Variants in EYS observed in about 807,000 individuals in gnomAD.
EYS encodes protein eyes shut homolog.
Under a neutral mutation model 282.1 loss-of-function variants are expected in EYS, and 250 were observed. The ratio of observed to expected loss-of-function variants is 0.89; its 90% CI spans 0.80 to 0.98. The LOEUF is 0.98. EYS is among the 50% of genes least tolerant of loss of function. The pLI, the probability that EYS is intolerant of heterozygous loss-of-function variation, is 0.00. For synonymous variants in EYS, 1,355 were observed against 1,282.9 expected, an observed-to-expected ratio of 1.06 and a Z score of -1.20; for missense variants, 4,016 against 3,709.0, an observed-to-expected ratio of 1.08 and a Z score of -2.15.
intron 16 of EYS, among the ~76,000 whole-genome samples, chr6:64,903,351 G>T (rs1031340390): frequency 6.6e-6 from 1 of 152,108 alleles, no homozygotes; most frequent in Non-Finnish European, 1.5e-5. Flanking sequence ...ATGTCAGTAT[G>T]CAATCAGGCT....
intron 15 of EYS, among the ~76,000 whole-genome samples, chr6:64,940,014 A>G (rs1036133823): frequency 1.3e-5 from 2 of 152,018 alleles, no homozygotes; most frequent in Non-Finnish European, 2.9e-5. Flanking sequence ...TCTTTTGAAA[A>G]CATTGGCTTT....
chr6:64,046,351 T>G (rs1170233865), intron 33 of EYS, among the ~76,000 whole-genome samples: 1 of 151,956 alleles, frequency 6.6e-6, no homozygotes, highest in Non-Finnish European at 1.5e-5. Context: ...ATCTATCTAT[T>G]GATTTATCTG....
At chr6:65,180,097 T>C (rs962543460) in intron 12 of EYS, among the ~76,000 whole-genome samples, 10 of 152,060 alleles carry the variant, frequency 6.6e-5, no homozygotes, top group Admixed American at 5.9e-4. Context: ...ACAGCCAATA[T>C]CATACTGAAT....
intron 32 of EYS, among the ~76,000 whole-genome samples, chr6:64,067,953 G>A (rs1771437365): frequency 6.6e-6 from 1 of 152,038 alleles, no homozygotes. Context: ...ATGCTGCTAT[G>A]AGCATTTTAT....
At chr6:64,183,024 G>C (rs1764834044) in intron 31 of EYS, among the ~76,000 whole-genome samples, 1 of 152,120 alleles carries the variant, frequency 6.6e-6, no homozygotes, top group Non-Finnish European at 1.5e-5. Context: ...ACCAGGTAGA[G>C]ATAACTGAAT....
At chr6:64,741,692 C>T (rs528162884) in intron 22 of EYS, among the ~76,000 whole-genome samples, 69 of 152,308 alleles carry the variant, frequency 4.5e-4, no homozygotes, top group Middle Eastern at 6.8e-3. Flanking sequence ...TCACCTTGTA[C>T]TTTTATGTTA....
intron 31 of EYS, among the ~76,000 whole-genome samples, chr6:64,132,074 C>T (rs1773996721): frequency 6.6e-6 from 1 of 151,854 alleles, no homozygotes; most frequent in African/African-American, 2.4e-5. Flanking sequence ...TTTTATATTT[C>T]ATTATAGTTG....
chr6:64,441,108 T>C (rs2150468035), intron 26 of EYS, among the ~76,000 whole-genome samples: 1 of 152,276 alleles, frequency 6.6e-6, no homozygotes, highest in South Asian at 2.1e-4. Context: ...AATTCACAGT[T>C]TACAAGTGAA....
chr6:64,894,663 T>A (rs531829637), intron 18 of EYS, among the ~76,000 whole-genome samples: 2 of 152,256 alleles, frequency 1.3e-5, no homozygotes, highest in African/African-American at 4.8e-5. Context: ...GTATTTTGTG[T>A]ATCTTTTTGA....
intron 2 of EYS, among the ~76,000 whole-genome samples, chr6:65,591,844 A>C (rs535205109): frequency 6.6e-6 from 1 of 152,114 alleles, no homozygotes; most frequent in South Asian, 2.1e-4. Context: ...TTGAAAATTA[A>C]ATTATTTTTT....
chr6:65,217,954 C>T (rs1458344771), intron 12 of EYS, among the ~76,000 whole-genome samples: 1 of 151,970 alleles, frequency 6.6e-6, no homozygotes, highest in African/African-American at 2.4e-5. Context: ...AGCACTGAGA[C>T]CAACTATGAA....
intron 22 of EYS, among the ~76,000 whole-genome samples, chr6:64,772,515 A>G (rs142008167): frequency 1.1e-3 from 160 of 151,900 alleles, no homozygotes; most frequent in African/African-American, 3.7e-3. Context: ...AGACAATTCA[A>G]TTATAGTCTC....
chr6:64,451,977 T>C lies in EYS; in HGVS notation c.5645-12625A>G, dbSNP rs1003576760. On this transcript the variant is annotated intron_variant, in intron 26 of 42. Coordinates refer to ENST00000503581, the MANE Select transcript of EYS (RefSeq NM_001142800.2). ...ACAGGGATGCCCTCTCTCACCACTC[T>C]TATTCAACATAGTGTTGGAAGTTCT... Among the ~76,000 whole-genome samples the C allele has an allele frequency of 1.4e-3, 207 of 152,236 alleles. 3 individuals are homozygous for C. Among genetic ancestry groups the C allele is most frequent in the Admixed American group, 0.01 (156 of 15,284 alleles).
chr6:65,671,915 G>T lies in EYS; in HGVS notation c.-447-32023C>A, dbSNP rs143499845. Among the ~76,000 whole-genome samples the T allele has an allele frequency of 7.5e-3, 1,145 of 152,218 alleles. 64 individuals are homozygous for T. Among genetic ancestry groups the T allele is most frequent in the Admixed American group, 0.069 (1,053 of 15,262 alleles). On this transcript the variant is annotated intron_variant, in intron 1 of 42. Transcript: ENST00000503581. ...TCTTCCCTATTTGAATCTAAGTGCT[G>T]ACAGGAAAGGGTGTCAGATAAGAAA...
intron 19 of EYS, among the ~76,000 whole-genome samples, chr6:64,856,974 T>A (rs1025063138): frequency 6.6e-6 from 1 of 152,214 alleles, no homozygotes; most frequent in Non-Finnish European, 1.5e-5. Context: ...ATATGTAAAG[T>A]TTATATCTAG....
intron 11 of EYS, among the ~76,000 whole-genome samples, chr6:65,319,280 G>A (rs894289463): frequency 4.0e-5 from 6 of 150,222 alleles, no homozygotes; most frequent in Admixed American, 6.6e-5. Flanking sequence ...CTTGGGAGGC[G>A]GAGGCAGGAG....
At chr6:63,901,301 T>A (rs1024137862) in intron 35 of EYS, among the ~76,000 whole-genome samples, 1 of 152,102 alleles carries the variant, frequency 6.6e-6, no homozygotes, top group Admixed American at 6.6e-5. Flanking sequence ...AGTCAATAAA[T>A]GTGAAGATAG....
chr6:64,726,668 T>C (rs1771769310), intron 22 of EYS, among the ~76,000 whole-genome samples: 1 of 152,170 alleles, frequency 6.6e-6, no homozygotes, highest in African/African-American at 2.4e-5. Flanking sequence ...TTTGTAGAAT[T>C]CAATTCTATA....
chr6:64,397,900 G>A (rs1561972279), intron 28 of EYS, among the ~76,000 whole-genome samples: 1 of 151,664 alleles, frequency 6.6e-6, no homozygotes, highest in Non-Finnish European at 1.5e-5. Flanking sequence ...TATTCAACAA[G>A]TTCTATTTTT....
Sources: allele counts gnomAD v4.1 joint callset (sites outside exome capture counted in the v4.1 genomes callset), GRCh38; gene constraint gnomAD v4.1.1; transcripts MANE v1.5; gene names NCBI Gene and HGNC (gene_info 2026-07-23, HGNC 2026-07-21).